Variants in CHD5 observed in about 807,000 individuals in gnomAD.
The protein encoded by CHD5 is ATP-dependent chromatin remodeler CHD5.
CHD5 carries 69 observed loss-of-function variants against 230.3 expected under a neutral mutation model. The ratio of observed to expected loss-of-function variants is 0.30; its 90% confidence interval spans 0.25 to 0.37. The LOEUF is 0.37. Among genes scored for constraint, CHD5 ranks in the 10% least tolerant of loss-of-function variants. CHD5 has a pLI of 1.00. For synonymous variants in CHD5, 1,064 were observed against 1,065.9 expected (o/e 1.00, Z 0.03); for missense variants, 1,827 against 2,622.8 (o/e 0.70, Z 6.63).
At position 6,146,013 on chromosome 1, in the gene CHD5, C is replaced by T. The variant is rs1352787351; in HGVS notation, c.1802+199G>A. On this transcript the variant is annotated intron_variant, in intron 11 of 41. Coordinates refer to ENST00000262450, the MANE Select transcript of CHD5 (RefSeq NM_015557.3). This position sits in a 1 kb window ranked among gnomAD's most constrained non-coding sequence, Gnocchi z 5.1. ...GTGTGCCGGCATGCATGGGACGGCCCCTCTAGCAGGTCAGGCAGATCTCCA... is the reference window on the plus strand; with the variant it reads ...GTGTGCCGGCATGCATGGGACGGCCTCTCTAGCAGGTCAGGCAGATCTCCA... 2.0e-5 allele frequency among the ~76,000 whole-genome samples: 3 copies of T among 152,284 alleles called. No individual in the cohort carries two copies. In the East Asian group the frequency reaches 5.8e-4, roughly 29 times the overall value.
Position 6,112,207 on chromosome 1 carries a change from CTCG to C in CHD5, c.5070_5072del (p.Asp1690del). 1 of 1,614,176 alleles carries C rather than the reference CTCG, an allele frequency of 6.2e-7. No homozygotes were observed. The highest frequency in any genetic ancestry group is 8.5e-7 in the Non-Finnish European group (1 of 1,180,032). Reference sequence around the variant, plus strand: ...TCCCCTTCTTGTCCTCCTTCTTCCCCTCGTCATCTTCCTCTTTGTCACCATTTT... The same window carrying C: ...TCCCCTTCTTGTCCTCCTTCTTCCCCTCATCTTCCTCTTTGTCACCATTTT... On this transcript the variant is annotated inframe_deletion, in exon 35 of 42. Transcript: ENST00000262450.
At position 6,124,590 on chromosome 1, in the gene CHD5, C is replaced by T; in HGVS notation, c.4466G>A (p.Gly1489Asp). 1 of 1,611,862 alleles carries T rather than the reference C, an allele frequency of 6.2e-7. No individual in the cohort carries two copies. Reference protein sequence around the residue: ...GADGAETFADGVPREGLSRQH... With the variant: ...GADGAETFADDVPREGLSRQH... Reference sequence around the variant, plus strand: ...CCTGGAGAGGCCCTCCCGGGGCACGCCGTCTGCGAAGGTCTCTGCACCATC... The same window carrying T: ...CCTGGAGAGGCCCTCCCGGGGCACGTCGTCTGCGAAGGTCTCTGCACCATC... The change falls in exon 30 of 42, where the codon GGC becomes GAC. Residue 1489 changes from glycine to aspartate, a missense_variant. Transcript: ENST00000262450.
chr1:6,106,789 G>A lies in CHD5; in HGVS notation c.5579-10C>T. 1 of 1,603,770 alleles carries A rather than the reference G, an allele frequency of 6.2e-7. No individual in the cohort carries two copies. Among genetic ancestry groups the A allele is most frequent in the African/African-American group, 1.3e-5 (1 of 74,432 alleles). ...TCCAGCTGGTTCAGGACTGTGGTGG[G>A]AGGCGGAGGGATGGTAGGATGCAGG... On this transcript the variant is annotated splice_polypyrimidine_tract_variant and intron_variant, in intron 38 of 41. Coordinates refer to ENST00000262450, the MANE Select transcript of CHD5 (RefSeq NM_015557.3).
intron 3 of CHD5, among the ~76,000 whole-genome samples, chr1:6,156,592 C>T (rs962539889): frequency 2.6e-5 from 4 of 151,412 alleles, no homozygotes; most frequent in African/African-American, 9.7e-5. Context: ...GGTATAGCTA[C>T]GTCAGCCCTT....
intron 8 of CHD5, 39 bp downstream of exon 8, chr1:6,149,207 G>A (rs756705876): frequency 8.6e-5 from 132 of 1,528,380 alleles, no homozygotes; most frequent in Non-Finnish European, 1.1e-4. Flanking sequence ...GGAGCCAGGC[G>A]TGGCCCCGCC....
intron 36 of CHD5, among the ~76,000 whole-genome samples, chr1:6,110,896 G>C (rs960785029): frequency 6.6e-6 from 1 of 152,186 alleles, no homozygotes; most frequent in Non-Finnish European, 1.5e-5. Context: ...GCTGGACTAG[G>C]GTGGGCCCTA....
intron 33 of CHD5, among the ~76,000 whole-genome samples, chr1:6,120,598 T>C (rs4908791): frequency 9.7e-4 from 147 of 151,402 alleles, no homozygotes; most frequent in Admixed American, 4.7e-3. Context: ...GGTCAAGAGA[T>C]CGAGACCAGC....
intron 20 of CHD5, among the ~76,000 whole-genome samples, chr1:6,133,902 G>A (rs1199720226): frequency 1.3e-5 from 2 of 152,212 alleles, no homozygotes; most frequent in South Asian, 2.1e-4. Context: ...CAGACCAGAA[G>A]GGCAGGTGTG....
intron 36 of CHD5, 63 bp downstream of exon 36, chr1:6,111,712 C>T: frequency 7.6e-7 from 1 of 1,311,276 alleles, no homozygotes; most frequent in Non-Finnish European, 1.1e-6. Flanking sequence ...TCTCAGAGGG[C>T]TCTCCCCGAG....
chr1:6,132,446 T>C (rs1455061222), intron 20 of CHD5, among the ~76,000 whole-genome samples: 1 of 152,212 alleles, frequency 6.6e-6, no homozygotes, highest in Non-Finnish European at 1.5e-5. Flanking sequence ...TATATTTATC[T>C]TGCTTGCTAT....
chr1:6,153,101 AG>A lies in CHD5; in HGVS notation c.746-566del, dbSNP rs574479319. ...CTGGGGAGTAATGACCCAAGAAGGAAGGGGGGCCTGGAGGCAGGGATGCACA... is the reference window on the plus strand; with the variant it reads ...CTGGGGAGTAATGACCCAAGAAGGAAGGGGGCCTGGAGGCAGGGATGCACA... On this transcript the variant is annotated intron_variant, in intron 5 of 41. Coordinates refer to ENST00000262450, the MANE Select transcript of CHD5 (RefSeq NM_015557.3). Among the ~76,000 whole-genome samples the A allele has an allele frequency of 7.7e-4, 117 of 152,328 alleles. 4 individuals carry two copies. The South Asian group carries it at 0.024, about 31-fold the overall frequency.
Position 6,131,798 on chromosome 1 carries a change from A to G in CHD5, c.3145-50T>C, listed in dbSNP as rs772284558. 2 of 1,207,758 alleles carry G rather than the reference A, an allele frequency of 1.7e-6. No homozygotes were observed. Among genetic ancestry groups the G allele is most frequent in the East Asian group, 4.7e-5 (2 of 42,504 alleles). The allele number at this position is 1,207,758 out of a possible 1,614,324, so 74.8% of individuals were successfully genotyped here. A position where few individuals can be genotyped will look rare whatever the true frequency, so the allele number is the denominator to read the frequency against. On this transcript the variant is annotated intron_variant, in intron 20 of 41. Coordinates refer to ENST00000262450, the MANE Select transcript of CHD5 (RefSeq NM_015557.3). The surrounding 1 kb of genome is among the most constrained non-coding windows in gnomAD (Gnocchi z 5.0). ...GAACTGCCAAGGAGCAAGGGGCCCCATGGGCCATGGGCGGGGACCCCGCCA... is the reference window on the plus strand; with the variant it reads ...GAACTGCCAAGGAGCAAGGGGCCCCGTGGGCCATGGGCGGGGACCCCGCCA...
At chr1:6,148,018 C>T (rs1571159752) in intron 9 of CHD5, among the ~76,000 whole-genome samples, 1 of 151,796 alleles carries the variant, frequency 6.6e-6, no homozygotes. Context: ...CCAGGGCCTT[C>T]CATCAATCCT....
At chr1:6,110,114 C>T in intron 37 of CHD5, 124 bp from the exon 38 acceptor site, 1 of 1,011,612 alleles carries the variant, frequency 9.9e-7, no homozygotes, top group Non-Finnish European at 1.4e-6. Flanking sequence ...GTACTGCCAT[C>T]TGCTGCCCAC....
chr1:6,159,971 A>G (rs185194810), intron 2 of CHD5, among the ~76,000 whole-genome samples: 2 of 149,986 alleles, frequency 1.3e-5, no homozygotes, highest in East Asian at 2.0e-4. Context: ...GTCAAAAAGC[A>G]AAGTGCACAG....
chr1:6,151,087 G>C lies in CHD5; in HGVS notation c.939C>G (p.Ser313=), dbSNP rs112932753. Residue 313 remains serine (S), a synonymous_variant, in exon 7 of 42, where the codon TCC becomes TCG. Transcript: ENST00000262450. ...SASIHSASVR[S]ECSAALGKKS... The stretch of plus-strand genomic sequence containing the variant: ...TCTTGCCCAGGGCTGCAGAGCATTC[G>C]GAGCGCACGGAGGCACTGTGGATGC... 7.2e-4 allele frequency: 1,160 copies of C among 1,608,938 alleles called. 8 individuals carry two copies. In the African/African-American group the frequency reaches 0.013, roughly 18 times the overall value.
intron 8 of CHD5, 52 bp downstream of exon 8, chr1:6,149,193 TG>T (rs1666958040): frequency 2.0e-6 from 3 of 1,506,486 alleles, no homozygotes; most frequent in Non-Finnish European, 2.7e-6. Context: ...GGCACAGGGG[TG>T]GGGGAGCCAG....
intron 5 of CHD5, among the ~76,000 whole-genome samples, chr1:6,153,786 G>A (rs1254151354): frequency 1.3e-5 from 2 of 152,062 alleles, no homozygotes; most frequent in Admixed American, 6.6e-5. Context: ...TGCAGAGATC[G>A]TGCCACTGCA....
intron 1 of CHD5, among the ~76,000 whole-genome samples, chr1:6,174,975 A>ATGGATGGATGGATGG (rs1557566138): frequency 1.2e-5 from 1 of 85,144 alleles, no homozygotes; most frequent in African/African-American, 1.1e-4. Flanking sequence ...TGGATGAAGG[A>ATGGATGGATGGATGG]TGGATGGATG....
Sources: gnomAD v4.1 joint callset for allele counts (sites outside exome capture counted in the v4.1 genomes callset) on GRCh38, gnomAD v4.1.1 for gene constraint, Gnocchi (gnomAD v3.1) non-coding constraint, MANE v1.5 for transcripts, NCBI Gene and HGNC (gene_info 2026-07-23, HGNC 2026-07-21) for gene names.